Variants in KCNIP4 observed in about 807,000 individuals in gnomAD.
The protein encoded by KCNIP4 is potassium voltage-gated channel interacting protein 4, also known as Kv channel-interacting protein 4.
In KCNIP4, 12 loss-of-function variants were observed where a neutral mutation model predicts 34.0. That is an observed-to-expected ratio of 0.35 (90% CI 0.23 to 0.57). KCNIP4 has a LOEUF of 0.57. KCNIP4 is among the 20% of genes least tolerant of loss of function. The pLI, the probability that KCNIP4 is intolerant of heterozygous loss-of-function variation, is 0.83. For synonymous variants in KCNIP4, 124 were observed against 102.2 expected, an observed-to-expected ratio of 1.21 and a Z score of -1.29; for missense variants, 238 against 311.7, an observed-to-expected ratio of 0.76 and a Z score of 1.78.
intron 3 of KCNIP4, among the ~76,000 whole-genome samples, chr4:20,808,619 A>T (rs1047838771): frequency 2.6e-5 from 4 of 152,196 alleles, no homozygotes; most frequent in Admixed American, 2.6e-4. Context: ...TAATTTGCTT[A>T]AATTGGGATG....
rs547623866 is a variant in KCNIP4 at position 20,752,080 on chromosome 4, C to G, written c.359-2348G>C. ...GTTTTTTTTTTTTTTTTTTTTGAGA[C>G]AAAGTACTGCTCTTGTCCCCCAGGC... On this transcript the variant is annotated intron_variant, in intron 4 of 8. Transcript: ENST00000382152. Among the ~76,000 whole-genome samples, 738 of 105,038 alleles carry G rather than the reference C, an allele frequency of 7.0e-3. 6 individuals carry two copies. Among genetic ancestry groups the G allele is most frequent in the Non-Finnish European group, 0.01 (569 of 55,560 alleles). The allele number at this position is 105,038 out of a possible 152,430, so 68.9% of individuals were successfully genotyped here. A position where few individuals can be genotyped will look rare whatever the true frequency, so the allele number is the denominator to read the frequency against.
chr4:21,899,219 T>A (rs1727571052), intron 1 of KCNIP4, among the ~76,000 whole-genome samples: 1 of 152,132 alleles, frequency 6.6e-6, no homozygotes, highest in African/African-American at 2.4e-5. Flanking sequence ...AAAAAAGGCA[T>A]TTGATACAAT....
intron 1 of KCNIP4, among the ~76,000 whole-genome samples, chr4:21,066,111 C>G (rs1383842881): frequency 6.6e-6 from 1 of 151,966 alleles, no homozygotes; most frequent in Non-Finnish European, 1.5e-5. Flanking sequence ...TGCCTCAGTT[C>G]TCATTCATGT....
At chr4:21,093,219 A>T (rs1026331163) in intron 1 of KCNIP4, among the ~76,000 whole-genome samples, 4 of 152,208 alleles carry the variant, frequency 2.6e-5, no homozygotes, top group Non-Finnish European at 5.9e-5. Flanking sequence ...ACTACTAAAC[A>T]TCATTAGTAG....
At chr4:21,913,382 A>G (rs1728451536) in intron 1 of KCNIP4, among the ~76,000 whole-genome samples, 2 of 144,640 alleles carry the variant, frequency 1.4e-5, no homozygotes, top group African/African-American at 2.6e-5. Flanking sequence ...TTTTAAAGGT[A>G]TTTGGCTCTC....
intron 1 of KCNIP4, among the ~76,000 whole-genome samples, chr4:21,239,061 A>T (rs1157323481): frequency 6.6e-6 from 1 of 152,098 alleles, no homozygotes; most frequent in Non-Finnish European, 1.5e-5. Context: ...AGCCCTCAGA[A>T]ATAATGCTGC....
At chr4:21,316,110 T>A (rs1713732228) in intron 1 of KCNIP4, among the ~76,000 whole-genome samples, 1 of 152,178 alleles carries the variant, frequency 6.6e-6, no homozygotes, top group Non-Finnish European at 1.5e-5. Flanking sequence ...GGTGGAGGCT[T>A]TCATGAGCCC....
intron 1 of KCNIP4, among the ~76,000 whole-genome samples, chr4:20,924,339 T>C (rs866431083): frequency 5.9e-5 from 9 of 152,280 alleles, no homozygotes; most frequent in Middle Eastern, 3.4e-3. Context: ...CTCTCAATGG[T>C]GGTACCAAGC....
At chr4:20,964,092 G>A (rs1017770826) in intron 1 of KCNIP4, among the ~76,000 whole-genome samples, 5 of 152,042 alleles carry the variant, frequency 3.3e-5, no homozygotes, top group African/African-American at 7.2e-5. Flanking sequence ...CTTTATTAAT[G>A]TTCTAGAACC....
chr4:21,580,151 T>C (rs2109069801), intron 1 of KCNIP4, among the ~76,000 whole-genome samples: 1 of 152,216 alleles, frequency 6.6e-6, no homozygotes, highest in South Asian at 2.1e-4. Flanking sequence ...AGTATCAGGG[T>C]TCTCAGTGTA....
At chr4:21,772,756 T>C (rs974551057) in intron 1 of KCNIP4, among the ~76,000 whole-genome samples, 1 of 152,178 alleles carries the variant, frequency 6.6e-6, no homozygotes, top group Non-Finnish European at 1.5e-5. Context: ...TTCTGTGCAG[T>C]CAGTGACGAT....
At chr4:21,122,745 T>C (rs1430337011) in intron 1 of KCNIP4, among the ~76,000 whole-genome samples, 1 of 152,184 alleles carries the variant, frequency 6.6e-6, no homozygotes. Context: ...ACATAGGGCA[T>C]ACCCTCTAGT....
chr4:21,876,111 CAT>C (rs1439059921), intron 1 of KCNIP4, among the ~76,000 whole-genome samples: 4 of 151,974 alleles, frequency 2.6e-5, no homozygotes, highest in Non-Finnish European at 4.4e-5. Context: ...GAAAATTAAT[CAT>C]ATTGAAAAAA....
At chr4:21,861,851 C>T (rs192273397) in intron 1 of KCNIP4, among the ~76,000 whole-genome samples, 215 of 152,200 alleles carry the variant, frequency 1.4e-3, no homozygotes, top group Non-Finnish European at 2.6e-3. Context: ...CACTTTTCTG[C>T]TCAAGAAGTC....
intron 1 of KCNIP4, among the ~76,000 whole-genome samples, chr4:21,127,532 A>G (rs1479075336): frequency 6.6e-6 from 1 of 151,832 alleles, no homozygotes; most frequent in Non-Finnish European, 1.5e-5. Flanking sequence ...ACTCTCCCCA[A>G]CCTCCTCCAC....
chr4:21,145,972 T>TG (rs2109226667), intron 1 of KCNIP4, among the ~76,000 whole-genome samples: 1 of 152,360 alleles, frequency 6.6e-6, no homozygotes, highest in Admixed American at 6.5e-5. Flanking sequence ...TTAGACTGTT[T>TG]AATTCCGTGT....
chr4:21,811,241 T>G (rs1444387883), intron 1 of KCNIP4, among the ~76,000 whole-genome samples: 1 of 152,212 alleles, frequency 6.6e-6, no homozygotes, highest in African/African-American at 2.4e-5. Flanking sequence ...CTTGATAAGC[T>G]GCCTCCATTT....
intron 3 of KCNIP4, among the ~76,000 whole-genome samples, chr4:20,771,981 A>C (rs1365568637): frequency 1.3e-5 from 2 of 152,076 alleles, no homozygotes; most frequent in African/African-American, 4.8e-5. Flanking sequence ...AATAAAACTA[A>C]ATTTAATGAT....
chr4:21,120,804 C>T (rs1750091101), intron 1 of KCNIP4, among the ~76,000 whole-genome samples: 1 of 152,156 alleles, frequency 6.6e-6, no homozygotes, highest in Non-Finnish European at 1.5e-5. Context: ...CTAATCTCTT[C>T]TTCCTGTGAA....
Sources: gnomAD v4.1 joint callset for allele counts (sites outside exome capture counted in the v4.1 genomes callset) on GRCh38, gnomAD v4.1.1 for gene constraint, MANE v1.5 for transcripts, NCBI Gene and HGNC (gene_info 2026-07-23, HGNC 2026-07-21) for gene names.